The following THSD4 variants were observed in gnomAD, a reference collection of about 807,000 sequenced individuals.
THSD4 encodes the protein thrombospondin type-1 domain-containing protein 4.
THSD4 carries 69 observed loss-of-function variants against 119.0 expected under a neutral mutation model. That is an observed-to-expected ratio of 0.58 (90% CI 0.48 to 0.71). THSD4 has a LOEUF of 0.71. Ranked by LOEUF, THSD4 falls within the 30% of genes least tolerant of loss-of-function variation. THSD4 has a pLI of 0.00. For missense variants in THSD4, 1,393 were observed against 1,391.1 expected (o/e 1.00, Z -0.02); for synonymous variants, 524 against 540.4 (o/e 0.97, Z 0.42).
intron 7 of THSD4, among the ~76,000 whole-genome samples, chr15:71,553,136 TGTGA>T (rs2049460147): frequency 6.6e-6 from 1 of 152,170 alleles, no homozygotes; most frequent in Admixed American, 6.5e-5. Flanking sequence ...TATGTGCCTA[TGTGA>T]GTGTCTGTGG....
chr15:71,201,005 A>G (rs1329726655), intron 3 of THSD4, among the ~76,000 whole-genome samples: 1 of 152,174 alleles, frequency 6.6e-6, no homozygotes, highest in Non-Finnish European at 1.5e-5. Context: ...GTTCACAGTA[A>G]GACTTACGCT....
At chr15:71,300,757 A>G (rs2044937547) in intron 6 of THSD4, among the ~76,000 whole-genome samples, 1 of 152,202 alleles carries the variant, frequency 6.6e-6, no homozygotes, top group African/African-American at 2.4e-5. Flanking sequence ...CTATATGAGA[A>G]CTCGATTAAG....
intron 7 of THSD4, among the ~76,000 whole-genome samples, chr15:71,486,586 C>A (rs192919957): frequency 3.1e-4 from 47 of 149,714 alleles, no homozygotes; most frequent in African/African-American, 1.1e-3. Context: ...AGTTGTCTAC[C>A]TCCCTAATGC....
chr15:71,143,699 TC>T (rs1455479904), intron 2 of THSD4, among the ~76,000 whole-genome samples: 14 of 141,158 alleles, frequency 9.9e-5, no homozygotes, highest in African/African-American at 4.2e-4. Context: ...TTTTTTTCTT[TC>T]TTTTTTTTTT....
At chr15:71,442,339 C>G (rs946024001) in intron 7 of THSD4, among the ~76,000 whole-genome samples, 2 of 151,538 alleles carry the variant, frequency 1.3e-5, no homozygotes, top group African/African-American at 4.8e-5. Context: ...GAGGCCAAGC[C>G]AGGCAGATCA....
At chr15:71,474,446 C>T (rs1226081496) in intron 7 of THSD4, among the ~76,000 whole-genome samples, 1 of 152,050 alleles carries the variant, frequency 6.6e-6, no homozygotes, top group African/African-American at 2.4e-5. Context: ...TGGTCTTGAA[C>T]TCCTGACCTC....
chr15:71,151,454 A>G (rs1376624275), intron 2 of THSD4, among the ~76,000 whole-genome samples: 1 of 152,100 alleles, frequency 6.6e-6, no homozygotes, highest in Non-Finnish European at 1.5e-5. Flanking sequence ...AATGTGTTAC[A>G]AATGATTCAC....
intron 6 of THSD4, among the ~76,000 whole-genome samples, chr15:71,271,279 A>T (rs534142127): frequency 1.3e-4 from 20 of 152,232 alleles, no homozygotes; most frequent in Non-Finnish European, 2.4e-4. Flanking sequence ...ACAATGGAGT[A>T]TTACTCAAAG....
chr15:71,749,576 G>A (rs990629104), intron 14 of THSD4, among the ~76,000 whole-genome samples: 9 of 152,150 alleles, frequency 5.9e-5, no homozygotes, highest in South Asian at 2.1e-4. Flanking sequence ...CTAGAATCCC[G>A]TGCGTACACG....
At chr15:71,613,345 G>A (rs2050264158) in intron 7 of THSD4, among the ~76,000 whole-genome samples, 1 of 152,118 alleles carries the variant, frequency 6.6e-6, no homozygotes, top group Non-Finnish European at 1.5e-5. Context: ...TCCCAAACTT[G>A]TCCCTGGATC....
chr15:71,116,107 G>T (rs1286585149), intron 1 of THSD4, among the ~76,000 whole-genome samples: 2 of 152,156 alleles, frequency 1.3e-5, no homozygotes, highest in Non-Finnish European at 2.9e-5. Flanking sequence ...CCCCACCTCA[G>T]CCTCGCCTCC....
chr15:71,099,601 A>C (rs2040245491), intron 1 of THSD4, among the ~76,000 whole-genome samples: 1 of 152,060 alleles, frequency 6.6e-6, no homozygotes, highest in South Asian at 2.1e-4. Flanking sequence ...TCTTTTGATT[A>C]GTGATTATAT....
intron 7 of THSD4, among the ~76,000 whole-genome samples, chr15:71,635,585 G>A (rs759434589): frequency 6.6e-6 from 1 of 152,162 alleles, no homozygotes; most frequent in Non-Finnish European, 1.5e-5. Context: ...AAGGAAACAC[G>A]TCATGGATTG....
At chr15:71,682,636 T>C (rs2051807699) in intron 8 of THSD4, among the ~76,000 whole-genome samples, 2 of 151,598 alleles carry the variant, frequency 1.3e-5, no homozygotes, top group African/African-American at 2.4e-5. Flanking sequence ...AATGAGAAGG[T>C]AGATTTCTTC....
chr15:71,107,709 A>G (rs1281945008), intron 1 of THSD4, among the ~76,000 whole-genome samples: 1 of 152,218 alleles, frequency 6.6e-6, no homozygotes, highest in Non-Finnish European at 1.5e-5. Context: ...GAATGGCAAT[A>G]TAGCTAGCCA....
chr15:71,726,713 G>T (rs2052846368), intron 8 of THSD4, among the ~76,000 whole-genome samples: 1 of 151,964 alleles, frequency 6.6e-6, no homozygotes, highest in Non-Finnish European at 1.5e-5. Context: ...TGAGGCAGGC[G>T]GATCATCTGA....
intron 6 of THSD4, among the ~76,000 whole-genome samples, chr15:71,320,311 G>A (rs1316902012): frequency 6.6e-6 from 1 of 152,152 alleles, no homozygotes; most frequent in Admixed American, 6.5e-5. Context: ...ATGTACTAAA[G>A]ACTGCAAGTT....
chr15:71,602,553 C>CAAAAA (rs59370074), intron 7 of THSD4, among the ~76,000 whole-genome samples: 44 of 53,884 alleles, frequency 8.2e-4, no homozygotes, highest in African/African-American at 1.8e-3. Context: ...AACTCTGTCT[C>CAAAAA]AAAAAAAAAA....
chr15:71,276,003 C>T (rs2044585752), intron 6 of THSD4, among the ~76,000 whole-genome samples: 2 of 152,226 alleles, frequency 1.3e-5, no homozygotes, highest in African/African-American at 2.4e-5. Context: ...AATACACTGT[C>T]CTTCCCCCAA....
Sources: gnomAD v4.1 joint callset for allele counts (sites outside exome capture counted in the v4.1 genomes callset) on GRCh38, gnomAD v4.1.1 for gene constraint, MANE v1.5 for transcripts, NCBI Gene and HGNC (gene_info 2026-07-23, HGNC 2026-07-21) for gene names.